SNTG2: variants seen among roughly 807,000 people sequenced by gnomAD.
SNTG2 encodes the protein syntrophin gamma 2.
In SNTG2, 74 loss-of-function variants were observed where a neutral mutation model predicts 70.9. The ratio of observed to expected loss-of-function variants is 1.04; its 90% confidence interval spans 0.86 to 1.27. The LOEUF (loss-of-function observed/expected upper bound fraction) is 1.27, where lower values mean the gene tolerates loss of function less well. Among genes scored for constraint, SNTG2 ranks in the 50% most tolerant of loss-of-function variants. The pLI is 0.00. For synonymous variants in SNTG2, 278 were observed against 273.8 expected (o/e 1.02, Z -0.15); for missense variants, 717 against 690.7 (o/e 1.04, Z -0.43).
Position 986,025 on chromosome 2 carries a change from C to A in SNTG2, c.72+34957C>A, listed in dbSNP as rs144088520. On this transcript the variant is annotated intron_variant, in intron 1 of 16. Transcript: ENST00000308624. ...AGAGGGATTTGTATTTTATTTATTTCTTTTTACTATTTACAGGGAAAAATA... is the reference window on the plus strand; with the variant it reads ...AGAGGGATTTGTATTTTATTTATTTATTTTTACTATTTACAGGGAAAAATA... Among the ~76,000 whole-genome samples, 294 of 144,414 alleles carry A rather than the reference C, an allele frequency of 2.0e-3. 8 individuals carry two copies. The East Asian group carries it at 0.058, about 28-fold the overall frequency. The allele number at this position is 144,414 out of a possible 152,430, so 94.7% of individuals were successfully genotyped here. A position where few individuals can be genotyped will look rare whatever the true frequency, so the allele number is the denominator to read the frequency against.
chr2:1,029,462 G>A (rs1660690465), intron 1 of SNTG2, among the ~76,000 whole-genome samples: 1 of 152,182 alleles, frequency 6.6e-6, no homozygotes, highest in African/African-American at 2.4e-5. Context: ...AGACCCCTTG[G>A]TTATGCTGCT....
At chr2:1,175,341 T>C (rs1671402523) in intron 8 of SNTG2, among the ~76,000 whole-genome samples, 1 of 152,220 alleles carries the variant, frequency 6.6e-6, no homozygotes, top group African/African-American at 2.4e-5. Flanking sequence ...ACTAGGTATT[T>C]ATAATCAATT....
intron 12 of SNTG2, among the ~76,000 whole-genome samples, chr2:1,258,744 T>C (rs564013976): frequency 6.6e-6 from 1 of 152,226 alleles, no homozygotes; most frequent in Non-Finnish European, 1.5e-5. Context: ...TATCTGAGCT[T>C]GAATTGTGAA....
At chr2:1,239,869 C>G in intron 11 of SNTG2, 93 bp downstream of exon 11, 1 of 1,476,404 alleles carries the variant, frequency 6.8e-7, no homozygotes. Context: ...AAAGCAGTCT[C>G]TGGTTTTTTG....
In SNTG2 at chr2:1,102,994, C is replaced by T. The variant is rs140194280; in HGVS notation, c.325+4584C>T. ...AGACTCTGATTGTACCGTTGAGGTG[C>T]GGCCTGCGTGCAGGATTCCACACCC... is the stretch of plus-strand genomic sequence containing the variant. On this transcript the variant is annotated intron_variant, in intron 4 of 16. Transcript: ENST00000308624. Among the ~76,000 whole-genome samples the T allele has an allele frequency of 6.0e-4, 92 of 152,312 alleles. 1 individual carries two copies. In the East Asian group the frequency reaches 0.014, roughly 22 times the overall value.
chr2:958,269 A>G (rs1660237963), intron 1 of SNTG2, among the ~76,000 whole-genome samples: 1 of 152,214 alleles, frequency 6.6e-6, no homozygotes, highest in Non-Finnish European at 1.5e-5. Flanking sequence ...TGTGAGACAA[A>G]AGGATAACAA....
At chr2:1,285,176 T>G (rs1679717674) in intron 14 of SNTG2, among the ~76,000 whole-genome samples, 1 of 152,158 alleles carries the variant, frequency 6.6e-6, no homozygotes, top group Non-Finnish European at 1.5e-5. Flanking sequence ...TTTCATGTTT[T>G]TCTGCCTGGT....
At chr2:1,238,787 C>A (rs145590400) in intron 10 of SNTG2, among the ~76,000 whole-genome samples, 10 of 152,318 alleles carry the variant, frequency 6.6e-5, no homozygotes, top group Non-Finnish European at 8.8e-5. Context: ...TGTTCCTTCG[C>A]AGCCTGGAGG....
chr2:1,238,093 A>ATGTC, intron 10 of SNTG2, 76 bp downstream of exon 10: 1 of 1,494,730 alleles, frequency 6.7e-7, no homozygotes, highest in Non-Finnish European at 9.0e-7. Context: ...CATGTTTCTG[A>ATGTC]TGATTTATGA....
chr2:1,074,128 G>A (rs955781015), intron 1 of SNTG2, among the ~76,000 whole-genome samples: 3 of 152,220 alleles, frequency 2.0e-5, no homozygotes, highest in African/African-American at 7.2e-5. Context: ...GGACCAGGGT[G>A]AAGACACGGG....
At chr2:1,087,438 C>T (rs1194422344) in intron 2 of SNTG2, among the ~76,000 whole-genome samples, 2 of 152,098 alleles carry the variant, frequency 1.3e-5, no homozygotes, top group East Asian at 3.9e-4. Flanking sequence ...CTTACTGTTC[C>T]CGGGTAAATG....
chr2:1,338,955 G>A (rs141887370), intron 16 of SNTG2, among the ~76,000 whole-genome samples: 58 of 152,246 alleles, frequency 3.8e-4, no homozygotes, highest in African/African-American at 1.3e-3. Context: ...TCTCCACAGC[G>A]CCTATACTTG....
chr2:1,177,705 GAT>G (rs1254327145), intron 8 of SNTG2, among the ~76,000 whole-genome samples: 3 of 150,420 alleles, frequency 2.0e-5, no homozygotes, highest in Non-Finnish European at 4.4e-5. Flanking sequence ...ACAAAAAAGA[GAT>G]AATTATTTCC....
intron 4 of SNTG2, among the ~76,000 whole-genome samples, chr2:1,137,017 T>C (rs1297360743): frequency 1.3e-5 from 2 of 152,210 alleles, no homozygotes; most frequent in Non-Finnish European, 2.9e-5. Flanking sequence ...AATGAAACCC[T>C]TTGTTACGAG....
chr2:1,173,660 G>A (rs1192360306), intron 8 of SNTG2, among the ~76,000 whole-genome samples: 15 of 152,176 alleles, frequency 9.9e-5, no homozygotes, highest in Non-Finnish European at 2.2e-4. Flanking sequence ...CCTGGGACAT[G>A]GGGCTCCCGC....
At chr2:991,128 G>T (rs1192283825) in intron 1 of SNTG2, among the ~76,000 whole-genome samples, 2 of 152,080 alleles carry the variant, frequency 1.3e-5, no homozygotes, top group African/African-American at 4.8e-5. Context: ...GCCTGTTTCT[G>T]CTGGTAATGA....
intron 1 of SNTG2, among the ~76,000 whole-genome samples, chr2:996,916 ATAAGATGCC>A (rs1321355233): frequency 1.3e-5 from 2 of 151,946 alleles, no homozygotes; most frequent in African/African-American, 4.8e-5. Flanking sequence ...AAACTATTGG[ATAAGATGCC>A]TAAGGTTGTC....
At chr2:1,285,611 T>C (rs751010440) in intron 14 of SNTG2, among the ~76,000 whole-genome samples, 8 of 152,256 alleles carry the variant, frequency 5.3e-5, no homozygotes, top group Non-Finnish European at 1.2e-4. Context: ...ATTTTCTTAG[T>C]ACAAGTGTAT....
intron 13 of SNTG2, among the ~76,000 whole-genome samples, chr2:1,265,576 C>T (rs988170272): frequency 1.3e-5 from 2 of 152,222 alleles, no homozygotes; most frequent in Non-Finnish European, 2.9e-5. Context: ...CCCGGAGAGT[C>T]CAGAAGGCCC....
Sources: allele counts gnomAD v4.1 joint callset (sites outside exome capture counted in the v4.1 genomes callset), GRCh38; gene constraint gnomAD v4.1.1; transcripts MANE v1.5; gene names NCBI Gene and HGNC (gene_info 2026-07-23, HGNC 2026-07-21).